ESYT2: variants seen among roughly 807,000 people sequenced by gnomAD.
ESYT2 encodes extended synaptotagmin 2.
Under a neutral mutation model 107.2 loss-of-function variants are expected in ESYT2, and 54 were observed. That is an observed-to-expected ratio of 0.50 (90% CI 0.40 to 0.63). The LOEUF (loss-of-function observed/expected upper bound fraction) is 0.63. Among genes scored for constraint, ESYT2 ranks in the 30% least tolerant of loss-of-function variants. The probability of loss-of-function intolerance (pLI) is 0.00; values close to 1 mark genes in which losing one functional copy is unlikely to be tolerated. For synonymous variants in ESYT2, 491 were observed against 434.1 expected, an observed-to-expected ratio of 1.13 and a Z score of -1.63; for missense variants, 1,020 against 1,094.5, an observed-to-expected ratio of 0.93 and a Z score of 0.96.
At chr7:158,757,380 C>G (rs1181161597) in intron 13 of ESYT2, among the ~76,000 whole-genome samples, 1 of 152,142 alleles carries the variant, frequency 6.6e-6, no homozygotes, top group Non-Finnish European at 1.5e-5. Flanking sequence ...ACACTAGTCC[C>G]GACGCTCGCC....
intron 3 of ESYT2, among the ~76,000 whole-genome samples, chr7:158,794,395 G>T (rs1446764909): frequency 6.6e-6 from 1 of 152,206 alleles, no homozygotes; most frequent in Non-Finnish European, 1.5e-5. Flanking sequence ...TTAGGAGGCT[G>T]AGGTGGGGAG....
At chr7:158,793,593 G>A in intron 4 of ESYT2, 57 bp downstream of exon 4, 1 of 1,279,972 alleles carries the variant, frequency 7.8e-7, no homozygotes, top group Non-Finnish European at 1.1e-6. Flanking sequence ...TACAGGTACA[G>A]CTAAGTGACA....
At position 158,756,602 on chromosome 7, in the gene ESYT2, C is replaced by T. The variant is rs115596580; in HGVS notation, c.1419+2884G>A. 6.4e-3 allele frequency among the ~76,000 whole-genome samples: 977 copies of T among 152,040 alleles called. 17 individuals carry two copies. Among genetic ancestry groups the T allele is most frequent in the African/African-American group, 0.021 (857 of 41,456 alleles). Reference sequence around the variant, plus strand: ...AAGAAGGCCCTAGTTCTGACTCTTGCGTGTTTGATCAGGAAGGGATAATAG... The same window carrying T: ...AAGAAGGCCCTAGTTCTGACTCTTGTGTGTTTGATCAGGAAGGGATAATAG... On this transcript the variant is annotated intron_variant, in intron 13 of 22. Coordinates refer to ENST00000275418, the MANE Select transcript of ESYT2 (RefSeq NM_001367773.1).
intron 6 of ESYT2, among the ~76,000 whole-genome samples, chr7:158,778,030 A>G (rs1838631520): frequency 6.6e-6 from 1 of 152,210 alleles, no homozygotes; most frequent in African/African-American, 2.4e-5. Flanking sequence ...AGCACAATAA[A>G]GCGAGGTGTG....
intron 20 of ESYT2, 25 bp downstream of exon 20, chr7:158,737,023 T>C: frequency 1.9e-6 from 3 of 1,611,352 alleles, no homozygotes; most frequent in Non-Finnish European, 2.5e-6. Context: ...GGGCAGTCTA[T>C]CCTCAGCTGG....
chr7:158,792,894 G>A (rs1283193671), intron 4 of ESYT2, among the ~76,000 whole-genome samples: 12 of 148,892 alleles, frequency 8.1e-5, no homozygotes, highest in African/African-American at 3.0e-4. Context: ...TCAGCCTCCC[G>A]AGTAGCTGGG....
chr7:158,792,700 T>C (rs1405096683), intron 4 of ESYT2, among the ~76,000 whole-genome samples: 1 of 151,568 alleles, frequency 6.6e-6, no homozygotes, highest in East Asian at 1.9e-4. Flanking sequence ...AAGAGGGCAT[T>C]CTTGCAGTGT....
chr7:158,776,185 C>G (rs1408944889), intron 6 of ESYT2, among the ~76,000 whole-genome samples: 1 of 152,178 alleles, frequency 6.6e-6, no homozygotes, highest in East Asian at 1.9e-4. Context: ...GTATAGAACA[C>G]AGACAGTGTA....
At chr7:158,812,495 A>G (rs1258679007) in intron 1 of ESYT2, among the ~76,000 whole-genome samples, 1 of 152,220 alleles carries the variant, frequency 6.6e-6, no homozygotes, top group Non-Finnish European at 1.5e-5. Context: ...TTCAACCTTC[A>G]TATATTGCTG....
chr7:158,806,089 G>GGGGCACACCGCGTGGGAGGCGCCA (rs1563032891), intron 1 of ESYT2, among the ~76,000 whole-genome samples: 7 of 152,078 alleles, frequency 4.6e-5, no homozygotes, highest in Non-Finnish European at 7.4e-5. Context: ...GGGAGGCGCC[G>GGGGCACACCGCGTGGGAGGCGCCA]GGGCACACCG....
intron 13 of ESYT2, among the ~76,000 whole-genome samples, chr7:158,754,283 T>C (rs147995284): frequency 0.014 from 2,092 of 152,284 alleles, 38 homozygotes; most frequent in African/African-American, 0.038. Context: ...CTTGGCTCAC[T>C]GCAACCTCCA....
At position 158,793,212 on chromosome 7, in the gene ESYT2, T is replaced by C. The variant is rs546944274; in HGVS notation, c.584+438A>G. Among the ~76,000 whole-genome samples, 12 of 152,322 alleles carry C rather than the reference T, an allele frequency of 7.9e-5. No individual in the cohort carries two copies. In the South Asian group the frequency reaches 2.5e-3, roughly 32 times the overall value. The stretch of plus-strand genomic sequence containing the variant: ...GCTTTTTCTCCATCAACTGAGATAA[T>C]CACGATTTGGTTTTTTCCTTCCTTT... On this transcript the variant is annotated intron_variant, in intron 4 of 22. Coordinates refer to ENST00000275418, the MANE Select transcript of ESYT2 (RefSeq NM_001367773.1).
intron 7 of ESYT2, among the ~76,000 whole-genome samples, chr7:158,768,137 T>C (rs1000276351): frequency 6.6e-6 from 1 of 152,248 alleles, no homozygotes; most frequent in Non-Finnish European, 1.5e-5. Context: ...ACAGATTTTA[T>C]ACTTATTTAC....
chr7:158,804,160 C>T lies in ESYT2; in HGVS notation c.331-5088G>A, dbSNP rs1262464469. ...GAGGCGCGCGACAAACCCAAACCGT[C>T]GAGAAGGGTGAGGCGCGCGACAAAC... On this transcript the variant is annotated intron_variant, in intron 1 of 22. Transcript: ENST00000275418. Among the ~76,000 whole-genome samples, 62 of 39,026 alleles carry T rather than the reference C, an allele frequency of 1.6e-3. 1 individual carries two copies. Among genetic ancestry groups the T allele is most frequent in the East Asian group, 5.7e-3 (5 of 882 alleles). The allele number at this position is 39,026 out of a possible 152,430, so 25.6% of individuals were successfully genotyped here.
intron 4 of ESYT2, among the ~76,000 whole-genome samples, chr7:158,792,013 T>C (rs1839307826): frequency 1.3e-5 from 2 of 151,666 alleles, no homozygotes; most frequent in Non-Finnish European, 2.9e-5. Context: ...AAGTATTTTA[T>C]TCTTTTTGAT....
intron 9 of ESYT2, 116 bp from the exon 10 acceptor site, chr7:158,763,281 TATTTATTTATTTA>T (rs1838038196): frequency 1.6e-5 from 7 of 451,586 alleles, no homozygotes; most frequent in South Asian, 5.7e-5. Context: ...GGTAAATCCT[TATTTATTTATTTA>T]TTTATTTATT....
intron 6 of ESYT2, among the ~76,000 whole-genome samples, chr7:158,781,588 TGAG>T (rs998305747): frequency 2.3e-4 from 34 of 149,492 alleles, no homozygotes; most frequent in Admixed American, 4.0e-4. Context: ...GTGAGAGGTT[TGAG>T]TATAAGACCG....
Position 158,792,160 on chromosome 7 carries a change from CT to C in ESYT2, c.584+1489del, listed in dbSNP as rs113589859. The stretch of plus-strand genomic sequence containing the variant: ...AATTTATTTCTTAGTTCCACGAGTT[CT>C]TTTTTTTTTTTTTTTGGTGGGATCT... On this transcript the variant is annotated intron_variant, in intron 4 of 22. Transcript: ENST00000275418. Among the ~76,000 whole-genome samples, 517 of 123,334 alleles carry C rather than the reference CT, an allele frequency of 4.2e-3. 2 individuals carry two copies. The highest frequency in any genetic ancestry group is 7.0e-3 in the Non-Finnish European group (407 of 58,148). 80.9% of individuals were successfully genotyped at this position (123,334 alleles called of 152,430 possible).
chr7:158,770,710 T>C (rs1455952352), intron 7 of ESYT2, among the ~76,000 whole-genome samples: 1 of 151,968 alleles, frequency 6.6e-6, no homozygotes, highest in Non-Finnish European at 1.5e-5. Flanking sequence ...AGAGACAGGG[T>C]TTCACTGTGT....
Sources: allele counts gnomAD v4.1 joint callset (sites outside exome capture counted in the v4.1 genomes callset), GRCh38; gene constraint gnomAD v4.1.1; transcripts MANE v1.5; gene names NCBI Gene and HGNC (gene_info 2026-07-23, HGNC 2026-07-21).